Variants in GPC6 observed in about 807,000 individuals in gnomAD.
GPC6 encodes glypican-6.
GPC6 carries 14 observed loss-of-function variants against 55.2 expected under a neutral mutation model. The ratio of observed to expected loss-of-function variants is 0.25; its 90% CI spans 0.17 to 0.40. The LOEUF is 0.40. Ranked by LOEUF, GPC6 falls within the 10% of genes least tolerant of loss-of-function variation. The pLI is 1.00. For synonymous variants in GPC6, 278 were observed against 259.6 expected (o/e 1.07, Z -0.68); for missense variants, 641 against 708.5 (o/e 0.90, Z 1.08).
At chr13:94,248,970 C>T (rs935439513) in intron 4 of GPC6, among the ~76,000 whole-genome samples, 5 of 151,956 alleles carry the variant, frequency 3.3e-5, no homozygotes, top group Admixed American at 6.6e-5. Flanking sequence ...GAAAATTAAC[C>T]GCTGCATATT....
intron 2 of GPC6, among the ~76,000 whole-genome samples, chr13:93,670,673 T>A (rs1881323079): frequency 6.6e-6 from 1 of 152,186 alleles, no homozygotes; most frequent in African/African-American, 2.4e-5. Flanking sequence ...TATTGTAATT[T>A]TTAGGGAGGC....
chr13:94,092,706 A>G (rs943322918), intron 4 of GPC6, among the ~76,000 whole-genome samples: 26 of 152,236 alleles, frequency 1.7e-4, no homozygotes, highest in African/African-American at 6.3e-4. Context: ...GAACCTCCAC[A>G]CTGTTTTCTA....
chr13:93,365,892 T>G (rs1881229951), intron 1 of GPC6, among the ~76,000 whole-genome samples: 1 of 152,222 alleles, frequency 6.6e-6, no homozygotes, highest in African/African-American at 2.4e-5. Context: ...GGTTTCCAAA[T>G]ATAATAAATA....
At chr13:93,947,222 G>A (rs1175557036) in intron 3 of GPC6, among the ~76,000 whole-genome samples, 4 of 152,202 alleles carry the variant, frequency 2.6e-5, no homozygotes, top group Admixed American at 2.0e-4. Context: ...TGATGTGTGA[G>A]TCTTCAATGT....
intron 2 of GPC6, among the ~76,000 whole-genome samples, chr13:93,637,828 A>G (rs1460629704): frequency 6.6e-6 from 1 of 152,142 alleles, no homozygotes; most frequent in Non-Finnish European, 1.5e-5. Context: ...TTATGATGGA[A>G]GGACAGACAG....
chr13:94,257,775 A>G (rs77249354), intron 4 of GPC6, among the ~76,000 whole-genome samples: 3 of 152,072 alleles, frequency 2.0e-5, no homozygotes, highest in East Asian at 3.9e-4. Flanking sequence ...TAATACTGCA[A>G]CCGCCCTGGC....
At chr13:93,714,306 TAA>T (rs1883174979) in intron 2 of GPC6, among the ~76,000 whole-genome samples, 1 of 151,768 alleles carries the variant, frequency 6.6e-6, no homozygotes. Flanking sequence ...AAAGAAGACA[TAA>T]TCAGCCAACA....
rs1877952909 is a variant in GPC6, at chr13:93,445,148, A to T, written c.161-100115A>T. Among the ~76,000 whole-genome samples the T allele has an allele frequency of 2.6e-5, 4 of 152,180 alleles. No homozygotes were observed. In the South Asian group the frequency reaches 8.3e-4, roughly 32 times the overall value. On this transcript the variant is annotated intron_variant, in intron 1 of 8. Coordinates refer to ENST00000377047, the MANE Select transcript of GPC6 (RefSeq NM_005708.5). ...TTCTTACTGAATAGAGTTAGAGGGTATTAGAGGAGTTGGAAAAATATACTG... is the reference window on the plus strand; with the variant it reads ...TTCTTACTGAATAGAGTTAGAGGGTTTTAGAGGAGTTGGAAAAATATACTG...
chr13:93,988,141 A>C (rs1881119184), intron 3 of GPC6, among the ~76,000 whole-genome samples: 1 of 152,208 alleles, frequency 6.6e-6, no homozygotes, highest in East Asian at 1.9e-4. Flanking sequence ...TCCTGCCAGA[A>C]ACATTGAATC....
At chr13:94,001,455 T>C (rs1201054201) in intron 3 of GPC6, among the ~76,000 whole-genome samples, 1 of 152,190 alleles carries the variant, frequency 6.6e-6, no homozygotes, top group Non-Finnish European at 1.5e-5. Context: ...GATAGGTAAA[T>C]TGTTAAAAAT....
At chr13:93,553,598 G>A (rs561533691) in intron 2 of GPC6, among the ~76,000 whole-genome samples, 2 of 151,360 alleles carry the variant, frequency 1.3e-5, no homozygotes, top group African/African-American at 4.9e-5. Flanking sequence ...GGGAGGCTGA[G>A]GCAGGAGAAT....
At chr13:94,370,704 G>C (rs1879503244) in intron 6 of GPC6, among the ~76,000 whole-genome samples, 1 of 152,126 alleles carries the variant, frequency 6.6e-6, no homozygotes, top group Admixed American at 6.5e-5. Flanking sequence ...CTGGCGATCT[G>C]CAAACATTTT....
intron 4 of GPC6, among the ~76,000 whole-genome samples, chr13:94,181,303 C>T (rs1207730771): frequency 6.6e-6 from 1 of 152,148 alleles, no homozygotes; most frequent in African/African-American, 2.4e-5. Flanking sequence ...TATTTGATGA[C>T]ACCCCTGGAG....
intron 4 of GPC6, among the ~76,000 whole-genome samples, chr13:94,284,909 T>A (rs7990304): frequency 0.14 from 21,059 of 151,666 alleles, 1,557 homozygotes; most frequent in East Asian, 0.3. Flanking sequence ...CTCAGCAAAT[T>A]TTTAAGTTTG....
intron 2 of GPC6, among the ~76,000 whole-genome samples, chr13:93,758,267 C>G (rs952938042): frequency 3.3e-4 from 50 of 152,146 alleles, no homozygotes; most frequent in African/African-American, 1.2e-3. Flanking sequence ...TGAGGTGCAA[C>G]AGTTCACAGT....
At chr13:93,508,827 G>C (rs1880831671) in intron 1 of GPC6, among the ~76,000 whole-genome samples, 1 of 152,176 alleles carries the variant, frequency 6.6e-6, no homozygotes, top group South Asian at 2.1e-4. Flanking sequence ...GCTGAGCTAA[G>C]AGGAAGTGAG....
chr13:94,345,418 G>GTACT (rs1341772804), intron 6 of GPC6, among the ~76,000 whole-genome samples: 1 of 152,180 alleles, frequency 6.6e-6, no homozygotes, highest in Non-Finnish European at 1.5e-5. Context: ...CTCCCTCTGA[G>GTACT]TACTTAAAAT....
rs375124638 is a variant in GPC6 at position 93,307,764 on chromosome 13, A to G, written c.160+80148A>G. Among the ~76,000 whole-genome samples the G allele has an allele frequency of 1.2e-4, 18 of 152,296 alleles. No homozygotes were observed. The East Asian group carries it at 2.3e-3, about 20-fold the overall frequency. On this transcript the variant is annotated intron_variant, in intron 1 of 8. Coordinates refer to ENST00000377047, the MANE Select transcript of GPC6 (RefSeq NM_005708.5). ...TATGACAAAAGATCTTTTGAGATCT[A>G]TTGTAAAACTATGGTGACTATGTTA...
chr13:93,269,441 C>T (rs1256631327), intron 1 of GPC6, among the ~76,000 whole-genome samples: 1 of 152,054 alleles, frequency 6.6e-6, no homozygotes, highest in Non-Finnish European at 1.5e-5. Context: ...TATTGACTGC[C>T]ATAATGATGT....
Sources: allele counts gnomAD v4.1 joint callset (sites outside exome capture counted in the v4.1 genomes callset), GRCh38; gene constraint gnomAD v4.1.1; transcripts MANE v1.5; gene names NCBI Gene and HGNC (gene_info 2026-07-23, HGNC 2026-07-21).